ADAMTS18: variants seen among roughly 807,000 people sequenced by gnomAD.
The protein encoded by ADAMTS18 is A disintegrin and metalloproteinase with thrombospondin motifs 18.
Under a neutral mutation model 165.9 loss-of-function variants are expected in ADAMTS18, and 157 were observed. That is an observed-to-expected ratio of 0.95 (90% CI 0.83 to 1.08). The LOEUF (loss-of-function observed/expected upper bound fraction) is 1.08, where lower values mean the gene tolerates loss of function less well. ADAMTS18 is among the 50% of genes least tolerant of loss of function. The pLI is 0.00. For missense variants in ADAMTS18, 2,040 were observed against 1,534.0 expected (o/e 1.33, Z -5.51); for synonymous variants, 782 against 578.2 (o/e 1.35, Z -5.06).
At chr16:77,326,716 A>C (rs1371011557) in intron 12 of ADAMTS18, among the ~76,000 whole-genome samples, 1 of 152,208 alleles carries the variant, frequency 6.6e-6, no homozygotes, top group Non-Finnish European at 1.5e-5. Flanking sequence ...AAATTTTTTA[A>C]ATTTTTTAAA....
chr16:77,297,984 G>C (rs1455589121), intron 17 of ADAMTS18, among the ~76,000 whole-genome samples: 1 of 139,444 alleles, frequency 7.2e-6, no homozygotes, highest in Non-Finnish European at 1.5e-5. Flanking sequence ...GAGTGCAGTG[G>C]CGTGATCTTG....
At chr16:77,387,408 T>C (rs1163972083) in intron 3 of ADAMTS18, among the ~76,000 whole-genome samples, 2 of 152,182 alleles carry the variant, frequency 1.3e-5, no homozygotes, top group East Asian at 1.9e-4. Flanking sequence ...AAACCAAATA[T>C]GTCTAGGCTT....
intron 12 of ADAMTS18, among the ~76,000 whole-genome samples, chr16:77,330,383 G>A (rs539001906): frequency 1.0e-3 from 159 of 152,256 alleles, no homozygotes; most frequent in African/African-American, 3.7e-3. Flanking sequence ...CAGAAAAAAT[G>A]AAAAATGTCA....
At chr16:77,352,544 G>A (rs1264707059) in intron 10 of ADAMTS18, among the ~76,000 whole-genome samples, 1 of 152,134 alleles carries the variant, frequency 6.6e-6, no homozygotes, top group Non-Finnish European at 1.5e-5. Flanking sequence ...TTGAGGTAAA[G>A]TAAAATAAAT....
intron 11 of ADAMTS18, among the ~76,000 whole-genome samples, chr16:77,339,573 T>A (rs780528322): frequency 2.7e-5 from 4 of 149,952 alleles, no homozygotes; most frequent in Non-Finnish European, 5.9e-5. Flanking sequence ...GTATCCCTTA[T>A]AGGTAACGAT....
chr16:77,406,285 A>C (rs1054663819), intron 3 of ADAMTS18, among the ~76,000 whole-genome samples: 2 of 152,184 alleles, frequency 1.3e-5, no homozygotes, highest in African/African-American at 4.8e-5. Flanking sequence ...CTGAAAATAT[A>C]ATGTATAGGT....
intron 3 of ADAMTS18, among the ~76,000 whole-genome samples, chr16:77,404,498 A>T (rs1027204235): frequency 1.3e-5 from 2 of 152,172 alleles, no homozygotes; most frequent in African/African-American, 4.8e-5. Context: ...AGAAGAAAGG[A>T]AATCTTAGAA....
chr16:77,353,660 G>A, intron 10 of ADAMTS18, 73 bp downstream of exon 10: 2 of 1,608,438 alleles, frequency 1.2e-6, no homozygotes, highest in Non-Finnish European at 1.7e-6. Flanking sequence ...CAAACCAAAT[G>A]TTTACACTTC....
chr16:77,358,769 T>C (rs2056668629), intron 8 of ADAMTS18, among the ~76,000 whole-genome samples: 1 of 152,188 alleles, frequency 6.6e-6, no homozygotes, highest in African/African-American at 2.4e-5. Flanking sequence ...GAAATAATTA[T>C]TTTGTAAAGT....
chr16:77,320,622 G>C (rs1377218346), intron 15 of ADAMTS18, among the ~76,000 whole-genome samples: 1 of 117,102 alleles, frequency 8.5e-6, no homozygotes, highest in Admixed American at 1.0e-4. Context: ...CTGGGTGACA[G>C]AGCAAGACTC....
At chr16:77,364,074 A>C in intron 5 of ADAMTS18, 114 bp downstream of exon 5, 1 of 1,395,736 alleles carries the variant, frequency 7.2e-7, no homozygotes, top group Non-Finnish European at 1.0e-6. Context: ...TAATGGCAGA[A>C]ACTGCAATTA....
chr16:77,306,847 A>C (rs1303527994), intron 16 of ADAMTS18, among the ~76,000 whole-genome samples: 1 of 152,214 alleles, frequency 6.6e-6, no homozygotes, highest in East Asian at 1.9e-4. Context: ...ATAGCTAATA[A>C]GTCACAGCAA....
intron 15 of ADAMTS18, 148 bp from the exon 16 acceptor site, chr16:77,320,241 T>C (rs895975760): frequency 5.0e-6 from 5 of 1,007,646 alleles, no homozygotes; most frequent in Non-Finnish European, 7.4e-6. Flanking sequence ...GAAGTAAACA[T>C]GATCAATGAT....
chr16:77,402,603 C>G (rs572293953), intron 3 of ADAMTS18, among the ~76,000 whole-genome samples: 189 of 152,334 alleles, frequency 1.2e-3, no homozygotes, highest in Middle Eastern at 3.4e-3. Context: ...ATGTAAATAA[C>G]TTTTAAAAAT....
chr16:77,344,487 C>G (rs1477970114), intron 10 of ADAMTS18, among the ~76,000 whole-genome samples: 1 of 152,020 alleles, frequency 6.6e-6, no homozygotes, highest in East Asian at 1.9e-4. Context: ...GGTAAGAGAG[C>G]CGCCTATGTG....
At chr16:77,374,140 C>T (rs549517138) in intron 3 of ADAMTS18, among the ~76,000 whole-genome samples, 1 of 151,638 alleles carries the variant, frequency 6.6e-6, no homozygotes, top group African/African-American at 2.4e-5. Context: ...AATGGCTTGA[C>T]CCCAGGAGGA....
chr16:77,387,439 G>C (rs17620748), intron 3 of ADAMTS18, among the ~76,000 whole-genome samples: 25,848 of 152,124 alleles, frequency 0.17, 2,718 homozygotes, highest in Middle Eastern at 0.3. Flanking sequence ...AATAAAAGCA[G>C]ATAACCAGCT....
chr16:77,315,724 C>A (rs930609597), intron 16 of ADAMTS18, among the ~76,000 whole-genome samples: 2 of 152,164 alleles, frequency 1.3e-5, no homozygotes, highest in African/African-American at 4.8e-5. Context: ...TCCCAAGAGG[C>A]AGCTTATCAA....
chr16:77,293,262 G>T lies in ADAMTS18; in HGVS notation c.3007-4C>A, dbSNP rs376965912. 1.2e-6 allele frequency: 2 copies of T among 1,612,628 alleles called. No homozygotes were observed. Among genetic ancestry groups the T allele is most frequent in the South Asian group, 2.2e-5 (2 of 90,982 alleles). On this transcript the variant is annotated splice_region_variant and splice_polypyrimidine_tract_variant and intron_variant, in intron 19 of 22. Coordinates refer to ENST00000282849, the MANE Select transcript of ADAMTS18 (RefSeq NM_199355.4). ...CTCGTCCACAGGTCTTGGAACACTT[G>T]AGAAGACAAAAAAGTTCTATTTGCA...
Sources: allele counts gnomAD v4.1 joint callset (sites outside exome capture counted in the v4.1 genomes callset), GRCh38; gene constraint gnomAD v4.1.1; transcripts MANE v1.5; gene names NCBI Gene and HGNC (gene_info 2026-07-23, HGNC 2026-07-21).